RANBP17: variants seen among roughly 807,000 people sequenced by gnomAD.
The protein encoded by RANBP17 is RAN binding protein 17.
Under a neutral mutation model 141.2 loss-of-function variants are expected in RANBP17, and 158 were observed. The observed-to-expected ratio is 1.12, with a 90% confidence interval of 0.98 to 1.28. The LOEUF (loss-of-function observed/expected upper bound fraction) is 1.28, where lower values mean the gene tolerates loss of function less well. Among genes scored for constraint, RANBP17 ranks in the 50% most tolerant of loss-of-function variants. The pLI, the probability that RANBP17 is intolerant of heterozygous loss-of-function variation, is 0.00. For missense variants in RANBP17, 1,438 were observed against 1,290.7 expected (o/e 1.11, Z -1.75); for synonymous variants, 430 against 450.0 (o/e 0.96, Z 0.56).
intron 25 of RANBP17, among the ~76,000 whole-genome samples, chr5:171,267,284 T>A (rs141487900): frequency 4.0e-5 from 6 of 150,982 alleles, no homozygotes; most frequent in Non-Finnish European, 8.8e-5. Flanking sequence ...GCACAAACAG[T>A]CCTCCCACCT....
intron 14 of RANBP17, among the ~76,000 whole-genome samples, chr5:171,153,953 G>A (rs1247459907): frequency 6.6e-6 from 1 of 151,998 alleles, no homozygotes; most frequent in African/African-American, 2.4e-5. Flanking sequence ...CTTGAACCAA[G>A]GAGGCGGAGG....
intron 18 of RANBP17, among the ~76,000 whole-genome samples, chr5:171,187,609 AT>A (rs1163200808): frequency 5.3e-5 from 8 of 152,070 alleles, no homozygotes; most frequent in African/African-American, 1.9e-4. Context: ...CATGTAGGTA[AT>A]TTTTTCTATT....
At chr5:170,965,377 T>C (rs1776478697) in intron 13 of RANBP17, among the ~76,000 whole-genome samples, 3 of 151,986 alleles carry the variant, frequency 2.0e-5, no homozygotes, top group African/African-American at 4.8e-5. Flanking sequence ...TGGTTTCTTT[T>C]GCTGTGCAGA....
chr5:171,038,401 G>C (rs1448144178), intron 14 of RANBP17, among the ~76,000 whole-genome samples: 1 of 151,990 alleles, frequency 6.6e-6, no homozygotes, highest in Non-Finnish European at 1.5e-5. Context: ...GGCCAAGAGA[G>C]ATAGTTTGAC....
chr5:171,269,113 A>T (rs6864339), intron 25 of RANBP17, among the ~76,000 whole-genome samples: 4 of 152,124 alleles, frequency 2.6e-5, no homozygotes, highest in Non-Finnish European at 4.4e-5. Context: ...GGTAGTCAGC[A>T]TAAATATGAT....
chr5:171,046,196 T>C (rs927948127), intron 14 of RANBP17, among the ~76,000 whole-genome samples: 1 of 151,270 alleles, frequency 6.6e-6, no homozygotes, highest in Non-Finnish European at 1.5e-5. Flanking sequence ...TTCATGCCTA[T>C]AGTTCTGCCT....
chr5:170,862,374 G>C (rs1470165209), intron 1 of RANBP17, among the ~76,000 whole-genome samples: 1 of 152,214 alleles, frequency 6.6e-6, no homozygotes, highest in Non-Finnish European at 1.5e-5. Context: ...CGCGGCTTTA[G>C]TGTTGCCAGG....
intron 20 of RANBP17, among the ~76,000 whole-genome samples, chr5:171,210,614 C>T (rs1053078953): frequency 2.6e-5 from 4 of 152,140 alleles, no homozygotes; most frequent in African/African-American, 7.2e-5. Flanking sequence ...ATTTTCTCAC[C>T]TGTACCCCTG....
intron 19 of RANBP17, among the ~76,000 whole-genome samples, chr5:171,202,019 C>A (rs1283021350): frequency 6.6e-6 from 1 of 152,138 alleles, no homozygotes; most frequent in Non-Finnish European, 1.5e-5. Flanking sequence ...GCACCTCTTA[C>A]CAGCATTTTC....
chr5:171,059,272 T>C (rs1783637249), intron 14 of RANBP17, among the ~76,000 whole-genome samples: 1 of 152,220 alleles, frequency 6.6e-6, no homozygotes, highest in Non-Finnish European at 1.5e-5. Context: ...GCCTAGGTTT[T>C]CTTCTAGGGT....
At position 171,073,965 on chromosome 5, in the gene RANBP17, A is replaced by G. The variant is rs147181980; in HGVS notation, c.1711-96165A>G. On this transcript the variant is annotated intron_variant, in intron 14 of 27. Coordinates refer to ENST00000523189, the MANE Select transcript of RANBP17 (RefSeq NM_022897.5). ...TTGATGAATTCTTCGGAGAAAACAGACAAATCTTCCTTAAGGAATAATTTT... is the reference window on the plus strand; with the variant it reads ...TTGATGAATTCTTCGGAGAAAACAGGCAAATCTTCCTTAAGGAATAATTTT... Among the ~76,000 whole-genome samples the G allele has an allele frequency of 5.4e-3, 828 of 152,272 alleles. 12 individuals are homozygous for G. The highest frequency in any genetic ancestry group is 0.019 in the African/African-American group (801 of 41,554).
chr5:170,916,716 G>GC, intron 9 of RANBP17, 132 bp downstream of exon 9: 1 of 414,968 alleles, frequency 2.4e-6, no homozygotes, highest in Non-Finnish European at 3.9e-6. Context: ...CTTCCTTAGA[G>GC]CTTTTTTTTT....
chr5:171,099,596 C>G (rs989883742), intron 14 of RANBP17, among the ~76,000 whole-genome samples: 4 of 152,114 alleles, frequency 2.6e-5, no homozygotes, highest in Admixed American at 6.5e-5. Context: ...CCCCTTATTT[C>G]TTTCTCTTGC....
At chr5:171,038,472 T>C (rs1315425434) in intron 14 of RANBP17, among the ~76,000 whole-genome samples, 2 of 152,168 alleles carry the variant, frequency 1.3e-5, no homozygotes, top group Non-Finnish European at 2.9e-5. Flanking sequence ...TGGCGAGGGC[T>C]TCCAGTACTA....
chr5:171,025,259 A>C (rs1236384780), intron 14 of RANBP17, among the ~76,000 whole-genome samples: 1 of 152,212 alleles, frequency 6.6e-6, no homozygotes, highest in African/African-American at 2.4e-5. Context: ...TGTAAATGAA[A>C]ATCAGTGGCT....
chr5:171,242,630 C>T, intron 23 of RANBP17, 52 bp from the exon 24 acceptor site: 1 of 1,582,384 alleles, frequency 6.3e-7, no homozygotes, highest in South Asian at 1.2e-5. Context: ...TGGACTGTAA[C>T]ATGTATTTTT....
chr5:171,155,334 G>C (rs778711462), intron 14 of RANBP17, among the ~76,000 whole-genome samples: 1 of 151,830 alleles, frequency 6.6e-6, no homozygotes, highest in Middle Eastern at 3.4e-3. Context: ...TAGCCATAGA[G>C]AAAGTGGATA....
At chr5:171,148,599 G>GATAT (rs148405071) in intron 14 of RANBP17, among the ~76,000 whole-genome samples, 3 of 150,476 alleles carry the variant, frequency 2.0e-5, no homozygotes, top group African/African-American at 7.4e-5. Context: ...TATCTGTATT[G>GATAT]ATATATATAT....
intron 21 of RANBP17, among the ~76,000 whole-genome samples, chr5:171,219,460 T>A (rs1004600509): frequency 6.6e-6 from 1 of 152,196 alleles, no homozygotes; most frequent in Non-Finnish European, 1.5e-5. Context: ...GGGGAAGTTC[T>A]TTTGGATAAT....
Sources: allele counts gnomAD v4.1 joint callset (sites outside exome capture counted in the v4.1 genomes callset), GRCh38; gene constraint gnomAD v4.1.1; transcripts MANE v1.5; gene names NCBI Gene and HGNC (gene_info 2026-07-23, HGNC 2026-07-21).